Variants in IQSEC1 observed in about 807,000 individuals in gnomAD.
The protein encoded by IQSEC1 is IQ motif and Sec7 domain ArfGEF 1.
In IQSEC1, 31 loss-of-function variants were observed where a neutral mutation model predicts 91.0. The ratio of observed to expected loss-of-function variants is 0.34; its 90% CI spans 0.26 to 0.46. IQSEC1 has a LOEUF of 0.46. IQSEC1 is among the 20% of genes least tolerant of loss of function. IQSEC1 has a pLI of 1.00. For synonymous variants in IQSEC1, 699 were observed against 662.6 expected, an observed-to-expected ratio of 1.05 and a Z score of -0.84; for missense variants, 1,388 against 1,575.6, an observed-to-expected ratio of 0.88 and a Z score of 2.02.
rs372940981 is a variant in IQSEC1 at position 13,009,838 on chromosome 3, C to T, written c.23+63154G>A. Among the ~76,000 whole-genome samples, 39 of 152,282 alleles carry T rather than the reference C, an allele frequency of 2.6e-4. 1 individual carries two copies. In the South Asian group the frequency reaches 5.0e-3, roughly 19 times the overall value. On this transcript the variant is annotated intron_variant, in intron 1 of 13. Coordinates refer to ENST00000613206, the MANE Select transcript of IQSEC1 (RefSeq NM_001134382.3). ...CCCTCCTCTCTGCCAGTGTGGCGCCCGCCTCCTACTCCCATCCTCTGCCTC... is the reference window on the plus strand; with the variant it reads ...CCCTCCTCTCTGCCAGTGTGGCGCCTGCCTCCTACTCCCATCCTCTGCCTC...
chr3:12,990,848 G>A (rs1227715527), intron 1 of IQSEC1, among the ~76,000 whole-genome samples: 1 of 152,230 alleles, frequency 6.6e-6, no homozygotes, highest in Non-Finnish European at 1.5e-5. Context: ...TTGTGGTTTT[G>A]CAGACGAAAT....
At chr3:13,268,721 T>C (rs1044753609) in intron 1 of IQSEC1, among the ~76,000 whole-genome samples, 2 of 152,202 alleles carry the variant, frequency 1.3e-5, no homozygotes, top group Non-Finnish European at 2.9e-5. Flanking sequence ...CCCCTAGGGG[T>C]GTGTGCATTC....
intron 1 of IQSEC1, among the ~76,000 whole-genome samples, chr3:13,223,231 C>T (rs1295922993): frequency 6.6e-6 from 1 of 152,204 alleles, no homozygotes; most frequent in Non-Finnish European, 1.5e-5. Context: ...TAATTGGCTT[C>T]TTCCCAGTTA....
chr3:13,030,759 T>C (rs2125007844), intron 1 of IQSEC1, among the ~76,000 whole-genome samples: 1 of 152,346 alleles, frequency 6.6e-6, no homozygotes, highest in East Asian at 1.9e-4. Context: ...AAAGACATTT[T>C]TGGAGACCCT....
chr3:13,273,631 G>A (rs1300080403), intron 1 of IQSEC1, among the ~76,000 whole-genome samples: 1 of 152,144 alleles, frequency 6.6e-6, no homozygotes, highest in Non-Finnish European at 1.5e-5. Flanking sequence ...CCTCTGCCCA[G>A]GATCCCAGCA....
intron 1 of IQSEC1, among the ~76,000 whole-genome samples, chr3:12,989,403 T>C (rs1484921444): frequency 6.6e-6 from 1 of 152,218 alleles, no homozygotes; most frequent in African/African-American, 2.4e-5. Context: ...AACTGTATGA[T>C]ACTGACACAC....
rs923128413 is a variant in IQSEC1, at chr3:13,211,080, G to A, written c.273-46947C>T. ...TCCCTGATGCATCCTCTGGCTAGCA[G>A]TGCCTGACACACAGTAGGTGTGCAG... On this transcript the variant is annotated intron_variant, in intron 1 of 15. Transcript: ENST00000648114. The surrounding 1 kb of genome is among the most constrained non-coding windows in gnomAD (Gnocchi z 5.3). 7.2e-5 allele frequency among the ~76,000 whole-genome samples: 11 copies of A among 152,246 alleles called. No homozygotes were observed. The highest frequency in any genetic ancestry group is 1.2e-4 in the Non-Finnish European group (8 of 68,046).
chr3:13,165,535 GGCGTGTGTGTGT>G (rs55785758), intron 1 of IQSEC1, among the ~76,000 whole-genome samples: 6,450 of 88,946 alleles, frequency 0.073, 348 homozygotes, highest in South Asian at 0.13. Context: ...GTGGGGGGGT[GGCGTGTGTGTGT>G]GTGTGTGTGT....
Position 12,941,737 on chromosome 3 carries a change from G to T in IQSEC1, c.152C>A (p.Ala51Asp). The change falls in exon 2 of 14, where the codon GCC (alanine) becomes GAC (aspartate). Residue 51 changes from alanine (A) to aspartate (D), a missense_variant. Ala to Asp is a moderately radical substitution (Grantham distance 126). Transcript: ENST00000613206. ...CGGCGGCCCCGAGTACAGCCCATAG[G>T]CTCCCACTGACGTGTGCTCGTAGTG... Reference protein sequence around the residue: ...PDHYEHTSVGAYGLYSGPPGQ... With the variant: ...PDHYEHTSVGDYGLYSGPPGQ... 1 of 1,612,442 alleles carries T rather than the reference G, an allele frequency of 6.2e-7. No individual in the cohort carries two copies. The highest frequency in any genetic ancestry group is 1.8e-4 in the Middle Eastern group (1 of 5,598).
rs1352882675 is a variant in IQSEC1, at chr3:13,282,810, C to A, written c.173G>T (p.Arg58Leu). ...GCGGGCGCACGCGGCCAGGTGTCGC[C>A]GGTGTCGCTCCAGCAGGCCGGCGTT... Residue 58 changes from arginine to leucine, a missense_variant, in exon 1 of 16, where the codon CGG becomes CTG. Coordinates refer to the IQSEC1 transcript ENST00000648114. This position sits in a 1 kb window ranked among gnomAD's most constrained non-coding sequence, Gnocchi z 6.4. Among the ~76,000 whole-genome samples, 2 of 147,748 alleles carry A rather than the reference C, an allele frequency of 1.4e-5. No individual in the cohort carries two copies. The highest frequency in any genetic ancestry group is 4.9e-5 in the African/African-American group (2 of 40,900).
chr3:13,176,450 C>T lies in IQSEC1; in HGVS notation c.273-12317G>A, dbSNP rs552053476. On this transcript the variant is annotated intron_variant, in intron 1 of 15. Transcript: ENST00000648114. ...TTACCCCTAGCCTGACCCTTGGGAG[C>T]CTCTGCTCCACCCCATTTTGTGACA... 8.5e-5 allele frequency among the ~76,000 whole-genome samples: 13 copies of T among 152,354 alleles called. No homozygotes were observed. The East Asian group carries it at 2.3e-3, about 27-fold the overall frequency.
In IQSEC1 at chr3:12,922,341, C is replaced by T. The variant is rs187013920; in HGVS notation, c.1731-99G>A. ...GGTGCCTGAAGCCCTGGGAATGGAC[C>T]GCCTCCTGGCAGGGAGAGCCCCTGC... On this transcript the variant is annotated intron_variant, in intron 4 of 13. Coordinates refer to ENST00000613206, the MANE Select transcript of IQSEC1 (RefSeq NM_001134382.3). The surrounding 1 kb of genome is among the most constrained non-coding windows in gnomAD (Gnocchi z 5.1). The T allele has an allele frequency of 3.8e-5, 52 of 1,384,874 alleles. No homozygotes were observed. The Admixed American group carries it at 9.2e-4, about 25-fold the overall frequency. 85.8% of individuals were successfully genotyped at this position (1,384,874 alleles called of 1,614,324 possible).
intron 2 of IQSEC1, among the ~76,000 whole-genome samples, chr3:13,092,570 G>A (rs567596991): frequency 1.3e-5 from 2 of 152,170 alleles, no homozygotes; most frequent in East Asian, 3.9e-4. Context: ...CAGGAGCAGC[G>A]CGTGCCTGGG....
intron 1 of IQSEC1, among the ~76,000 whole-genome samples, chr3:13,014,101 G>A (rs1293753471): frequency 6.6e-6 from 1 of 152,190 alleles, no homozygotes; most frequent in East Asian, 1.9e-4. Context: ...CTGAGCTGGA[G>A]GCCAGAGCCC....
At position 13,216,294 on chromosome 3, in the gene IQSEC1, G is replaced by C. The variant is rs546185531; in HGVS notation, c.273-52161C>G. On this transcript the variant is annotated intron_variant, in intron 1 of 15. Coordinates refer to the IQSEC1 transcript ENST00000648114. ...GCTGTAGAACAGCATTTCCCAACCA[G>C]CATCCCCTACACCAGCAGCCCCATG... is the stretch of plus-strand genomic sequence containing the variant. Among the ~76,000 whole-genome samples the C allele has an allele frequency of 2.6e-5, 4 of 152,382 alleles. No homozygotes were observed. The East Asian group carries it at 7.7e-4, about 29-fold the overall frequency.
chr3:12,933,799 G>T (rs995491729), intron 3 of IQSEC1, among the ~76,000 whole-genome samples: 2 of 152,254 alleles, frequency 1.3e-5, no homozygotes, highest in African/African-American at 4.8e-5. Context: ...GAGTCCAAGA[G>T]GATGTTATCC....
At chr3:13,221,953 A>T (rs963531877) in intron 1 of IQSEC1, among the ~76,000 whole-genome samples, 2 of 152,232 alleles carry the variant, frequency 1.3e-5, no homozygotes, top group Non-Finnish European at 2.9e-5. Context: ...GAGGGGCAGG[A>T]GGGAGGAGAA....
chr3:13,283,133 C>G (rs1695831404), exon 1 of IQSEC1, among the ~76,000 whole-genome samples: 1 of 145,106 alleles, frequency 6.9e-6, no homozygotes, highest in South Asian at 2.1e-4. Context: ...GGCGCCGCCC[C>G]CGGGGCCCCC....
chr3:12,926,911 C>T (rs1006959660), intron 3 of IQSEC1, among the ~76,000 whole-genome samples: 2 of 152,228 alleles, frequency 1.3e-5, no homozygotes, highest in Non-Finnish European at 2.9e-5. Flanking sequence ...CAGCTTGGTC[C>T]TGGCACAGAA....
Sources: gnomAD v4.1 joint callset for allele counts (sites outside exome capture counted in the v4.1 genomes callset) on GRCh38, gnomAD v4.1.1 for gene constraint, Gnocchi (gnomAD v3.1) non-coding constraint, MANE v1.5 for transcripts, NCBI Gene and HGNC (gene_info 2026-07-23, HGNC 2026-07-21) for gene names.